The following TLCD3A variants were observed in gnomAD, a reference collection of about 807,000 sequenced individuals.
TLCD3A encodes the protein TLC domain containing 3A, also known as TLC domain-containing protein 3A.
In TLCD3A, 17 loss-of-function variants were observed where a neutral mutation model predicts 29.9. The observed-to-expected ratio is 0.57, with a 90% confidence interval of 0.39 to 0.85. TLCD3A has a LOEUF of 0.85. Ranked by LOEUF, TLCD3A falls within the 40% of genes least tolerant of loss-of-function variation. TLCD3A has a pLI of 0.00. For synonymous variants in TLCD3A, 143 were observed against 147.7 expected (o/e 0.97, Z 0.23); for missense variants, 332 against 350.8 (o/e 0.95, Z 0.43).
chr17:739,843 C>T (rs188897451), intron 3 of TLCD3A, among the ~76,000 whole-genome samples: 3 of 152,156 alleles, frequency 2.0e-5, no homozygotes, highest in South Asian at 2.1e-4. Context: ...GTCAGAAGTT[C>T]GAGACCAGCC....
At position 742,755 on chromosome 17, in the gene TLCD3A, T is replaced by A. The variant is rs899927679; in HGVS notation, c.*1185T>A. ...GAATTTAAGACTGTGCTACCATGTG[T>A]TCTCAAGTGGTAGTTTAAAAAGTGG... On this transcript the variant is annotated 3_prime_UTR_variant, in exon 5 of 5. Coordinates refer to ENST00000308278, the MANE Select transcript of TLCD3A (RefSeq NM_024792.3). The A allele has an allele frequency of 1.3e-5, 2 of 152,648 alleles. No individual in the cohort carries two copies. Among genetic ancestry groups the A allele is most frequent in the Non-Finnish European group, 2.9e-5 (2 of 68,030 alleles). 9.5% of individuals were successfully genotyped at this position (152,648 alleles called of 1,614,324 possible).
chr17:736,144 C>T (rs900382265), intron 2 of TLCD3A, among the ~76,000 whole-genome samples: 1 of 152,172 alleles, frequency 6.6e-6, no homozygotes, highest in African/African-American at 2.4e-5. Context: ...CCTCCGTAGA[C>T]TGTATTTCCA....
rs554077889 is a variant in TLCD3A at position 732,747 on chromosome 17, G to A, written c.100G>A (p.Asp34Asn). 6 of 1,454,380 alleles carry A rather than the reference G, an allele frequency of 4.1e-6. No homozygotes were observed. The South Asian group carries it at 5.3e-5, about 13-fold the overall frequency. 90.1% of individuals were successfully genotyped at this position (1,454,380 alleles called of 1,614,324 possible). ...CTCCCAGCCCGGATGGAGCCGCACC[G>A]ACTGCGTGATGATCAGCACCAGGTA... ...RRSQPGWSRT[D>N]CVMISTRLVS... The change falls in exon 1 of 5, where the codon GAC becomes AAC. Residue 34 changes from aspartate (D) to asparagine (N), a missense_variant. Transcript: ENST00000308278.
At chr17:736,045 C>T (rs1250507062) in intron 2 of TLCD3A, among the ~76,000 whole-genome samples, 1 of 146,090 alleles carries the variant, frequency 6.8e-6, no homozygotes, top group Admixed American at 6.9e-5. Flanking sequence ...GTGTGTTATA[C>T]TTGCCATTAC....
In TLCD3A at chr17:740,519, C is replaced by T. The variant is rs1368246004; in HGVS notation, c.423C>T (p.Asp141=). 8.7e-6 allele frequency: 14 copies of T among 1,614,118 alleles called. No individual in the cohort carries two copies. Among genetic ancestry groups the T allele is most frequent in the Non-Finnish European group, 1.2e-5 (14 of 1,179,966 alleles). Residue 141 remains aspartate (D), a synonymous_variant, in exon 4 of 5, where the codon GAC becomes GAT. Transcript: ENST00000308278. ...LVPVAQRLRG[D]LGDFFVGCIF... ...GTCATCCGCAGAGGCTCCGGGGAGA[C>T]CTTGGGGACTTCTTTGTCGGCTGCA...
intron 2 of TLCD3A, among the ~76,000 whole-genome samples, chr17:737,307 C>T (rs1221016544): frequency 2.6e-5 from 4 of 152,196 alleles, no homozygotes; most frequent in African/African-American, 4.8e-5. Flanking sequence ...CCACCGAACC[C>T]GGCCAGCTCT....
chr17:740,231 C>A (rs1043054122), intron 3 of TLCD3A, among the ~76,000 whole-genome samples: 1 of 152,168 alleles, frequency 6.6e-6, no homozygotes, highest in Non-Finnish European at 1.5e-5. Flanking sequence ...AAGTTCGATA[C>A]ACAAAAGTAG....
intron 2 of TLCD3A, among the ~76,000 whole-genome samples, chr17:734,190 TC>T (rs201034012): frequency 0.015 from 2,098 of 140,668 alleles, 23 homozygotes; most frequent in East Asian, 0.074. Context: ...TTCTTCTTCT[TC>T]TTTTTTTTTT....
rs753307517 is a variant in TLCD3A at position 733,137 on chromosome 17, G to A, written c.162G>A (p.Ser54=). 1 of 1,587,266 alleles carries A rather than the reference G, an allele frequency of 6.3e-7. No homozygotes were observed. Among genetic ancestry groups the A allele is most frequent in the South Asian group, 1.1e-5 (1 of 87,402 alleles). The change falls in exon 2 of 5, where the codon TCG becomes TCA. Residue 54 remains serine, a synonymous_variant. Coordinates refer to ENST00000308278, the MANE Select transcript of TLCD3A (RefSeq NM_024792.3). ...SSVHAVLATG[S]GIVIIRSCDD... is the part of the protein sequence containing the mutation. ...TGCACGCCGTGCTGGCCACCGGCTC[G>A]GGGATCGTCATCATTCGCTCCTGCG... is the stretch of plus-strand genomic sequence containing the variant.
Position 741,746 on chromosome 17 carries a change from A to T in TLCD3A, c.*176A>T. 1.3e-6 allele frequency: 1 copy of T among 779,786 alleles called. No homozygotes were observed. The highest frequency in any genetic ancestry group is 2.0e-6 in the Non-Finnish European group (1 of 500,424). The allele number at this position is 779,786 out of a possible 1,614,324, so 48.3% of individuals were successfully genotyped here. A position where few individuals can be genotyped will look rare whatever the true frequency, so the allele number is the denominator to read the frequency against. On this transcript the variant is annotated 3_prime_UTR_variant, in exon 5 of 5. Coordinates refer to ENST00000308278, the MANE Select transcript of TLCD3A (RefSeq NM_024792.3). The stretch of plus-strand genomic sequence containing the variant: ...TCTTCTAACTTGCCCTATTTGCAAA[A>T]GCACTTTTGTAGTAACAACTATTGG...
chr17:737,007 G>A lies in TLCD3A; in HGVS notation c.207-839G>A, dbSNP rs564078926. Among the ~76,000 whole-genome samples, 14 of 148,266 alleles carry A rather than the reference G, an allele frequency of 9.4e-5. No individual in the cohort carries two copies. In the South Asian group the frequency reaches 3.0e-3, roughly 32 times the overall value. ...AGATTATCTCTAGAATTGCTTTTTG[G>A]GTTTTTTTGTTTTTGTTTTTTTTAG... is the stretch of plus-strand genomic sequence containing the variant. On this transcript the variant is annotated intron_variant, in intron 2 of 4. Coordinates refer to ENST00000308278, the MANE Select transcript of TLCD3A (RefSeq NM_024792.3).
intron 2 of TLCD3A, 43 bp downstream of exon 2, chr17:733,224 A>G (rs1219974448): frequency 2.0e-6 from 3 of 1,467,544 alleles, no homozygotes; most frequent in Non-Finnish European, 2.7e-6. Flanking sequence ...GTCACATTTC[A>G]GTAGCTCGCA....
chr17:733,146 C>T lies in TLCD3A; in HGVS notation c.171C>T (p.Val57=), dbSNP rs771526663. The T allele has an allele frequency of 4.4e-6, 7 of 1,583,654 alleles. No homozygotes were observed. In the African/African-American group the frequency reaches 5.4e-5, roughly 12 times the overall value. The change falls in exon 2 of 5, where the codon GTC becomes GTT. Residue 57 remains valine, a synonymous_variant. Coordinates refer to ENST00000308278, the MANE Select transcript of TLCD3A (RefSeq NM_024792.3). Reference sequence around the variant, plus strand: ...TGCTGGCCACCGGCTCGGGGATCGTCATCATTCGCTCCTGCGACGACGTGA... The same window carrying T: ...TGCTGGCCACCGGCTCGGGGATCGTTATCATTCGCTCCTGCGACGACGTGA... ...HAVLATGSGI[V]IIRSCDDVIT...
chr17:733,537 G>C (rs1035194371), intron 2 of TLCD3A, among the ~76,000 whole-genome samples: 2 of 152,120 alleles, frequency 1.3e-5, no homozygotes, highest in Non-Finnish European at 2.9e-5. Flanking sequence ...CGTCCAGTGT[G>C]GTTAGCAGAG....
Position 733,153 on chromosome 17 carries a change from C to T in TLCD3A, c.178C>T (p.Arg60Cys), listed in dbSNP as rs1446890148. 2 of 1,578,574 alleles carry T rather than the reference C, an allele frequency of 1.3e-6. No homozygotes were observed. Among genetic ancestry groups the T allele is most frequent in the Non-Finnish European group, 1.7e-6 (2 of 1,164,486 alleles). Residue 60 changes from arginine to cysteine, a missense_variant, in exon 2 of 5, where the codon CGC becomes TGC. Transcript: ENST00000308278. ...CACCGGCTCGGGGATCGTCATCATT[C>T]GCTCCTGCGACGACGTGATCACCGG... is the stretch of plus-strand genomic sequence containing the variant. ...LATGSGIVII[R>C]SCDDVITGRH...
chr17:734,901 T>C (rs1974131755), intron 2 of TLCD3A, among the ~76,000 whole-genome samples: 1 of 152,150 alleles, frequency 6.6e-6, no homozygotes, highest in Non-Finnish European at 1.5e-5. Context: ...CACGCTGGTC[T>C]GAACTCCTGG....
rs1027683052 is a variant in TLCD3A at position 732,671 on chromosome 17, C to T, written c.24C>T (p.Gly8=). The T allele has an allele frequency of 7.1e-7, 1 of 1,400,390 alleles. No homozygotes were observed. Among genetic ancestry groups the T allele is most frequent in the Non-Finnish European group, 9.3e-7 (1 of 1,073,966 alleles). 86.7% of individuals were successfully genotyped at this position (1,400,390 alleles called of 1,614,324 possible). The part of the protein sequence containing the change: MLLTLAG[G]ALFFPGLFAL... ...CGATGCTGCTGACGCTGGCCGGGGG[C>T]GCGCTCTTCTTCCCGGGGCTCTTCG... The change falls in exon 1 of 5, where the codon GGC becomes GGT. Residue 8 remains glycine (G), a synonymous_variant. Transcript: ENST00000308278.
intron 2 of TLCD3A, among the ~76,000 whole-genome samples, 175 bp from the exon 3 acceptor site, chr17:737,671 C>T (rs550134146): frequency 6.6e-5 from 10 of 152,180 alleles, no homozygotes; most frequent in South Asian, 2.1e-4. Context: ...TTGACACTCA[C>T]GAATTGGCCC....
Position 741,473 on chromosome 17 carries a change from A to G in TLCD3A, c.677A>G (p.Asn226Ser). 2 of 1,614,150 alleles carry G rather than the reference A, an allele frequency of 1.2e-6. No homozygotes were observed. The highest frequency in any genetic ancestry group is 1.3e-5 in the African/African-American group (1 of 75,046). The change falls in exon 5 of 5, where the codon AAT becomes AGT. Residue 226 changes from asparagine to serine, a missense_variant. Asn to Ser is a conservative substitution (Grantham distance 46). Coordinates refer to ENST00000308278, the MANE Select transcript of TLCD3A (RefSeq NM_024792.3). ...FSIPFYCNVA[N>S]AFLVAPQIYW... ...ATCCCATTCTACTGCAACGTGGCCA[A>G]TGCCTTCCTCGTAGCTCCTCAGATC...
Sources: allele counts gnomAD v4.1 joint callset (sites outside exome capture counted in the v4.1 genomes callset), GRCh38; gene constraint gnomAD v4.1.1; transcripts MANE v1.5; gene names NCBI Gene and HGNC (gene_info 2026-07-23, HGNC 2026-07-21).